MROH9: variants seen among roughly 807,000 people sequenced by gnomAD.
MROH9 encodes maestro heat-like repeat-containing protein family member 9.
In MROH9, 92 loss-of-function variants were observed where a neutral mutation model predicts 98.2. The observed-to-expected ratio is 0.94, with a 90% CI of 0.79 to 1.11. MROH9 has a LOEUF of 1.11. MROH9 is among the 50% of genes most tolerant of loss of function. The pLI is 0.00. For synonymous variants in MROH9, 397 were observed against 368.9 expected (o/e 1.08, Z -0.87); for missense variants, 1,057 against 1,014.8 (o/e 1.04, Z -0.57).
chr1:171,039,423 G>A (rs1653224850), intron 20 of MROH9, among the ~76,000 whole-genome samples: 1 of 152,132 alleles, frequency 6.6e-6, no homozygotes, highest in African/African-American at 2.4e-5. Flanking sequence ...TCATCACATA[G>A]TTTCCCATAT....
intron 20 of MROH9, among the ~76,000 whole-genome samples, chr1:171,055,618 TAAAAAAA>T (rs1204544479): frequency 5.1e-5 from 4 of 78,252 alleles, no homozygotes; most frequent in African/African-American, 1.2e-4. Flanking sequence ...TGAGACTTCA[TAAAAAAA>T]AAAAAAAAAA....
intron 8 of MROH9, among the ~76,000 whole-genome samples, chr1:170,976,729 T>C (rs964858039): frequency 6.6e-6 from 1 of 152,176 alleles, no homozygotes; most frequent in Non-Finnish European, 1.5e-5. Context: ...CTTGGGGATG[T>C]AGAATTGTGC....
chr1:170,942,250 T>TATC (rs1649147320), intron 1 of MROH9, among the ~76,000 whole-genome samples: 2 of 151,996 alleles, frequency 1.3e-5, no homozygotes, highest in Non-Finnish European at 2.9e-5. Context: ...TGAGTCTAGT[T>TATC]ACGGGTCTAG....
intron 20 of MROH9, among the ~76,000 whole-genome samples, chr1:171,031,542 A>T (rs1652914371): frequency 6.6e-6 from 1 of 152,168 alleles, no homozygotes; most frequent in Admixed American, 6.5e-5. Context: ...TATGAAGCTT[A>T]ATTTGGCTGG....
At chr1:171,032,643 C>T (rs1036799766) in intron 20 of MROH9, among the ~76,000 whole-genome samples, 2 of 152,088 alleles carry the variant, frequency 1.3e-5, no homozygotes, top group African/African-American at 4.8e-5. Context: ...AAGATGGGTG[C>T]CTGCTCCTTC....
intron 15 of MROH9, among the ~76,000 whole-genome samples, chr1:171,004,041 G>GCTT (rs772261374): frequency 6.6e-6 from 1 of 152,042 alleles, no homozygotes; most frequent in Non-Finnish European, 1.5e-5. Flanking sequence ...GCAGTCACGA[G>GCTT]CTTCACCCAG....
chr1:171,056,119 C>T (rs961844005), intron 20 of MROH9, among the ~76,000 whole-genome samples: 1 of 152,180 alleles, frequency 6.6e-6, no homozygotes, highest in African/African-American at 2.4e-5. Flanking sequence ...CCTGCCGAGC[C>T]CCTGGGGAGA....
chr1:170,964,452 G>A (rs941795027), intron 6 of MROH9, among the ~76,000 whole-genome samples: 12 of 152,020 alleles, frequency 7.9e-5, no homozygotes, highest in African/African-American at 2.4e-4. Context: ...AAGAGGTTTG[G>A]CCAACCATTG....
intron 17 of MROH9, among the ~76,000 whole-genome samples, chr1:171,020,497 A>T (rs1652480880): frequency 6.6e-6 from 1 of 152,218 alleles, no homozygotes; most frequent in Non-Finnish European, 1.5e-5. Context: ...ACATAAACAG[A>T]ACCAATGACA....
chr1:170,987,394 G>A (rs989813093), intron 10 of MROH9, among the ~76,000 whole-genome samples: 2 of 152,116 alleles, frequency 1.3e-5, no homozygotes, highest in African/African-American at 2.4e-5. Flanking sequence ...ATAATTTGTG[G>A]GGCTCAGTGC....
intron 20 of MROH9, among the ~76,000 whole-genome samples, chr1:171,055,317 C>T (rs941416041): frequency 5.9e-5 from 9 of 152,110 alleles, no homozygotes; most frequent in Admixed American, 3.3e-4. Context: ...TATGAGGATG[C>T]AAAGGCATAA....
chr1:171,028,507 T>G (rs1305753267), intron 20 of MROH9, among the ~76,000 whole-genome samples: 1 of 152,226 alleles, frequency 6.6e-6, no homozygotes, highest in African/African-American at 2.4e-5. Flanking sequence ...CTTGGCTATA[T>G]GGGGTCTTCT....
Position 170,938,480 on chromosome 1 carries a change from C to T in MROH9, c.-38+2893C>T, listed in dbSNP as rs190043279. Among the ~76,000 whole-genome samples, 328 of 152,284 alleles carry T rather than the reference C, an allele frequency of 2.2e-3. 1 individual carries two copies. The highest frequency in any genetic ancestry group is 7.7e-3 in the African/African-American group (320 of 41,554). ...CCAGGTATTGACATCTAGCTGATGA[C>T]GTAACTGAGTCTTCAAAAGGTCATT... is the stretch of plus-strand genomic sequence containing the variant. On this transcript the variant is annotated intron_variant, in intron 1 of 21. Coordinates refer to ENST00000367759, the MANE Select transcript of MROH9 (RefSeq NM_001163629.2).
At chr1:171,058,783 G>T (rs1653927497) in intron 20 of MROH9, among the ~76,000 whole-genome samples, 2 of 152,332 alleles carry the variant, frequency 1.3e-5, no homozygotes, top group South Asian at 4.1e-4. Flanking sequence ...GGGAAAACTG[G>T]CTAGCCATAT....
chr1:170,999,957 G>A (rs1004123096), intron 15 of MROH9, among the ~76,000 whole-genome samples: 33 of 152,046 alleles, frequency 2.2e-4, no homozygotes, highest in South Asian at 4.1e-4. Flanking sequence ...TTTTTCATAT[G>A]TTTGTTGGCC....
At chr1:171,042,606 C>T (rs1388386554) in intron 20 of MROH9, among the ~76,000 whole-genome samples, 1 of 152,054 alleles carries the variant, frequency 6.6e-6, no homozygotes, top group Non-Finnish European at 1.5e-5. Flanking sequence ...TTCTCACCAA[C>T]AGTGTAGAGG....
Position 170,954,225 on chromosome 1 carries a change from A to T in MROH9, c.73-4236A>T, listed in dbSNP as rs117121944. Among the ~76,000 whole-genome samples the T allele has an allele frequency of 2.4e-4, 36 of 152,264 alleles. No individual in the cohort carries two copies. The East Asian group carries it at 6.9e-3, about 29-fold the overall frequency. Reference sequence around the variant, plus strand: ...TCCAGCCATTTATCTCTGAGAAATTATACTACACTATTGATTGGATAATTT... The same window carrying T: ...TCCAGCCATTTATCTCTGAGAAATTTTACTACACTATTGATTGGATAATTT... On this transcript the variant is annotated intron_variant, in intron 3 of 21. Coordinates refer to ENST00000367759, the MANE Select transcript of MROH9 (RefSeq NM_001163629.2).
At chr1:170,947,392 T>C (rs902129478) in intron 2 of MROH9, 135 bp from the exon 3 acceptor site, 4 of 670,880 alleles carry the variant, frequency 6.0e-6, no homozygotes, top group African/African-American at 1.8e-5. Context: ...TCTATAGTTT[T>C]AGTGTGTGTG....
intron 20 of MROH9, among the ~76,000 whole-genome samples, chr1:171,029,660 G>T (rs779910854): frequency 6.6e-6 from 1 of 152,014 alleles, no homozygotes; most frequent in African/African-American, 2.4e-5. Context: ...GATCGTGGTG[G>T]GTAAGTTTTT....
Sources: gnomAD v4.1 joint callset for allele counts (sites outside exome capture counted in the v4.1 genomes callset) on GRCh38, gnomAD v4.1.1 for gene constraint, MANE v1.5 for transcripts, NCBI Gene and HGNC (gene_info 2026-07-23, HGNC 2026-07-21) for gene names.